TNS1: variants seen among roughly 807,000 people sequenced by gnomAD.
The protein encoded by TNS1 is tensin-1.
Under a neutral mutation model 168.6 loss-of-function variants are expected in TNS1, and 62 were observed. The ratio of observed to expected loss-of-function variants is 0.37; its 90% CI spans 0.30 to 0.45. TNS1 has a LOEUF of 0.45. Ranked by LOEUF, TNS1 falls within the 20% of genes least tolerant of loss-of-function variation. The pLI is 1.00. For synonymous variants in TNS1, 934 were observed against 933.2 expected, an observed-to-expected ratio of 1.00 and a Z score of -0.02; for missense variants, 2,240 against 2,339.4, an observed-to-expected ratio of 0.96 and a Z score of 0.88.
At chr2:217,853,380 T>A (rs1947762992) in intron 18 of TNS1, among the ~76,000 whole-genome samples, 1 of 152,048 alleles carries the variant, frequency 6.6e-6, no homozygotes, top group Non-Finnish European at 1.5e-5. Context: ...GCATCTCAGA[T>A]GAGAGGAGGC....
rs376432500 is a variant in TNS1, at chr2:217,808,537, A to G, written c.5342+66T>C. The G allele has an allele frequency of 2.3e-4, 331 of 1,451,606 alleles. 1 individual carries two copies. In the African/African-American group the frequency reaches 4.2e-3, roughly 19 times the overall value. The allele number at this position is 1,451,606 out of a possible 1,614,324, so 89.9% of individuals were successfully genotyped here. The stretch of plus-strand genomic sequence containing the variant: ...CACACACACACACACATGCACATGC[A>G]TGCACCCACACAGACGTCAGTGTTA... On this transcript the variant is annotated intron_variant, in intron 31 of 32. Transcript: ENST00000682258.
rs762183026 is a variant in TNS1, at chr2:217,813,200, AG to A, written c.4954+14del. ...CAGGCCAGACTGTAGAGATGGGGGCAGGGGGACAGCTCACCGAAGTTTGGCT... is the reference window on the plus strand; with the variant it reads ...CAGGCCAGACTGTAGAGATGGGGGCAGGGGACAGCTCACCGAAGTTTGGCT... On this transcript the variant is annotated intron_variant, in intron 27 of 32. Coordinates refer to ENST00000682258, the MANE Select transcript of TNS1 (RefSeq NM_001387777.1). This position sits in a 1 kb window ranked among gnomAD's most constrained non-coding sequence, Gnocchi z 4.0. 1.5e-5 allele frequency: 24 copies of A among 1,588,870 alleles called. No individual in the cohort carries two copies. The South Asian group carries it at 2.2e-4, about 14-fold the overall frequency.
intron 7 of TNS1, among the ~76,000 whole-genome samples, 176 bp from the exon 8 acceptor site, chr2:217,898,145 C>T (rs113115722): frequency 0.029 from 4,409 of 152,334 alleles, 195 homozygotes; most frequent in African/African-American, 0.099. Flanking sequence ...CCAATGTGGC[C>T]GGCTTGGGAG....
At chr2:217,828,363 C>T (rs1574663384) in intron 22 of TNS1, among the ~76,000 whole-genome samples, 2 of 152,316 alleles carry the variant, frequency 1.3e-5, no homozygotes, top group South Asian at 2.1e-4. Context: ...CACAGGCCAT[C>T]CCCGCTTAGG....
intron 13 of TNS1, 57 bp downstream of exon 13, chr2:217,886,476 TG>T (rs1365160560): frequency 7.3e-7 from 1 of 1,371,136 alleles, no homozygotes; most frequent in East Asian, 2.4e-5. Context: ...TTAGAGAAGA[TG>T]GAAGATGAAA....
chr2:217,950,350 G>T (rs919780202), intron 3 of TNS1, among the ~76,000 whole-genome samples: 4 of 152,116 alleles, frequency 2.6e-5, no homozygotes, highest in African/African-American at 9.7e-5. Context: ...TTGAAGCCTA[G>T]GGCCATTTCC....
intron 21 of TNS1, among the ~76,000 whole-genome samples, chr2:217,832,231 T>C (rs905854564): frequency 2.0e-4 from 30 of 152,342 alleles, no homozygotes; most frequent in African/African-American, 7.2e-4. Context: ...CTATAGTCTG[T>C]GGCCAAGAGC....
At chr2:217,997,260 T>G (rs1244776644) in intron 1 of TNS1, among the ~76,000 whole-genome samples, 2 of 152,068 alleles carry the variant, frequency 1.3e-5, no homozygotes, top group African/African-American at 4.8e-5. Context: ...CACTCAGAAA[T>G]TCAGCATCAA....
Position 217,802,254 on chromosome 2 carries a change from G to A in TNS1, c.*2205C>T, listed in dbSNP as rs1173101605. ...ACCCAGAAGGAAGAGCACTTTGGAG[G>A]GACTTTGGTCACCAGGCACAAGGTT... On this transcript the variant is annotated 3_prime_UTR_variant, in exon 33 of 33. Transcript: ENST00000682258. 9 of 152,222 alleles carry A rather than the reference G, an allele frequency of 5.9e-5. No homozygotes were observed. Among genetic ancestry groups the A allele is most frequent in the Non-Finnish European group, 1.0e-4 (7 of 68,054 alleles). The allele number at this position is 152,222 out of a possible 1,614,324, so 9.4% of individuals were successfully genotyped here.
At chr2:217,816,349 T>G (rs1355922716) in intron 24 of TNS1, among the ~76,000 whole-genome samples, 1 of 152,192 alleles carries the variant, frequency 6.6e-6, no homozygotes, top group Non-Finnish European at 1.5e-5. Context: ...TGAAAGACAC[T>G]GCAAAGTTAA....
rs192922009 is a variant in TNS1 at position 217,937,757 on chromosome 2, A to G, written c.187-17521T>C. On this transcript the variant is annotated intron_variant, in intron 3 of 32. Transcript: ENST00000682258. ...GAGGGCACTGAGGCCCAGCGAGAGAAGGGACTCAGGTGGGACTCCTCCAGA... is the reference window on the plus strand; with the variant it reads ...GAGGGCACTGAGGCCCAGCGAGAGAGGGGACTCAGGTGGGACTCCTCCAGA... Among the ~76,000 whole-genome samples, 705 of 152,164 alleles carry G rather than the reference A, an allele frequency of 4.6e-3. 4 individuals carry two copies. The highest frequency in any genetic ancestry group is 6.8e-3 in the Middle Eastern group (2 of 294).
At chr2:217,955,518 T>G (rs1399564834) in intron 3 of TNS1, among the ~76,000 whole-genome samples, 1 of 152,046 alleles carries the variant, frequency 6.6e-6, no homozygotes, top group East Asian at 1.9e-4. Flanking sequence ...TCCCGCACAG[T>G]GCCCGTCCAC....
intron 23 of TNS1, among the ~76,000 whole-genome samples, chr2:217,821,013 T>C (rs1457589743): frequency 1.3e-5 from 2 of 152,206 alleles, no homozygotes; most frequent in African/African-American, 4.8e-5. Context: ...CTCTCTTTCT[T>C]CATCTTTCAA....
intron 2 of TNS1, among the ~76,000 whole-genome samples, chr2:217,990,146 A>AC (rs1958324010): frequency 8.0e-6 from 1 of 125,772 alleles, no homozygotes; most frequent in African/African-American, 3.2e-5. Context: ...CAGACCCTCA[A>AC]AACACATCAT....
intron 3 of TNS1, among the ~76,000 whole-genome samples, chr2:217,952,432 T>C (rs948676143): frequency 4.6e-5 from 7 of 152,068 alleles, no homozygotes; most frequent in African/African-American, 1.2e-4. Flanking sequence ...AGAGGGTTCA[T>C]TAAGGCCCAC....
At chr2:217,822,182 G>A (rs1001372743) in intron 22 of TNS1, among the ~76,000 whole-genome samples, 2 of 152,128 alleles carry the variant, frequency 1.3e-5, no homozygotes, top group African/African-American at 4.8e-5. Flanking sequence ...TCAGAACATG[G>A]CCATCAGAGA....
At chr2:217,912,183 G>C (rs961772943) in intron 4 of TNS1, among the ~76,000 whole-genome samples, 2 of 152,248 alleles carry the variant, frequency 1.3e-5, no homozygotes, top group Non-Finnish European at 2.9e-5. Context: ...GCTCACGCAG[G>C]AGGACAGGTT....
intron 21 of TNS1, among the ~76,000 whole-genome samples, chr2:217,833,356 G>T (rs910919789): frequency 1.3e-5 from 2 of 152,246 alleles, no homozygotes; most frequent in African/African-American, 4.8e-5. Flanking sequence ...GCTAAAGCCA[G>T]GCAAGTCTTT....
upstream of TNS1, among the ~76,000 whole-genome samples, chr2:218,010,595 C>T (rs1341372613): frequency 6.6e-6 from 1 of 151,622 alleles, no homozygotes; most frequent in African/African-American, 2.4e-5. Flanking sequence ...CGGGGAGCCG[C>T]GCGGGGGAGG....
Sources: gnomAD v4.1 joint callset for allele counts (sites outside exome capture counted in the v4.1 genomes callset) on GRCh38, gnomAD v4.1.1 for gene constraint, Gnocchi (gnomAD v3.1) non-coding constraint, MANE v1.5 for transcripts, NCBI Gene and HGNC (gene_info 2026-07-23, HGNC 2026-07-21) for gene names.